Variants in TCEA1 observed in about 807,000 individuals in gnomAD.
The protein encoded by TCEA1 is transcription elongation factor A1, also known as transcription elongation factor A protein 1.
TCEA1 carries 21 observed loss-of-function variants against 43.8 expected under a neutral mutation model. The observed-to-expected ratio is 0.48, with a 90% CI of 0.34 to 0.69. TCEA1 has a LOEUF of 0.69. Among genes scored for constraint, TCEA1 ranks in the 30% least tolerant of loss-of-function variants. The probability of loss-of-function intolerance (pLI) is 0.01; values close to 1 mark genes in which losing one functional copy is unlikely to be tolerated. For synonymous variants in TCEA1, 104 were observed against 117.5 expected, an observed-to-expected ratio of 0.88 and a Z score of 0.75; for missense variants, 250 against 365.1, an observed-to-expected ratio of 0.68 and a Z score of 2.57.
intron 8 of TCEA1, among the ~76,000 whole-genome samples, chr8:53,974,530 G>C (rs1427094335): frequency 6.7e-6 from 1 of 148,286 alleles, no homozygotes; most frequent in Non-Finnish European, 1.5e-5. Flanking sequence ...GGGTAGTGGG[G>C]GTGGGGGTGG....
chr8:54,010,490 A>G lies in TCEA1; in HGVS notation c.66T>C (p.Ala22=). 2 of 1,596,116 alleles carry G rather than the reference A, an allele frequency of 1.3e-6. No homozygotes were observed. Among genetic ancestry groups the G allele is most frequent in the South Asian group, 1.1e-5 (1 of 87,196 alleles). Residue 22 remains alanine (A), a splice_region_variant and synonymous_variant, in exon 2 of 10, where the codon GCT becomes GCC. Transcript: ENST00000521604. ...MDKMVQKKNA[A]GALDLLKELK... ...GCTCCTTTAGCAAATCCAATGCTCC[A>G]GCCTATAAAATAAAATAATTTCATA...
intron 2 of TCEA1, among the ~76,000 whole-genome samples, chr8:54,007,884 T>C (rs1311298170): frequency 2.0e-5 from 3 of 152,226 alleles, no homozygotes; most frequent in African/African-American, 4.8e-5. Flanking sequence ...TTTATTTTTA[T>C]ATTTCATTCT....
In TCEA1 at chr8:53,970,378, A is replaced by T. The variant is rs1183970558; in HGVS notation, c.897+14T>A. 5 of 1,571,024 alleles carry T rather than the reference A, an allele frequency of 3.2e-6. No homozygotes were observed. The Admixed American group carries it at 8.4e-5, about 27-fold the overall frequency. Reference sequence around the variant, plus strand: ...TTAAGTGAGTATATAATATGAATCCAAGAGAGTCCATACCTTCCATCGATT... The same window carrying T: ...TTAAGTGAGTATATAATATGAATCCTAGAGAGTCCATACCTTCCATCGATT... On this transcript the variant is annotated intron_variant, in intron 9 of 9. Transcript: ENST00000521604.
chr8:53,973,662 A>G, intron 8 of TCEA1: 1 of 559,944 alleles, frequency 1.8e-6, no homozygotes, highest in South Asian at 1.6e-5. Context: ...CAAAAAGAAG[A>G]AAAAGAAGAA....
chr8:53,988,312 TAAC>T, intron 4 of TCEA1, 53 bp from the exon 5 acceptor site: 3 of 1,579,960 alleles, frequency 1.9e-6, no homozygotes, highest in Non-Finnish European at 2.6e-6. Flanking sequence ...CCTTTCAAAG[TAAC>T]AATACTACTA....
intron 2 of TCEA1, among the ~76,000 whole-genome samples, chr8:54,007,316 A>G (rs1370483211): frequency 2.0e-5 from 3 of 152,150 alleles, no homozygotes; most frequent in African/African-American, 7.2e-5. Context: ...GTAAGATAGT[A>G]ATGTTCATGC....
chr8:53,998,438 G>A (rs937609336), intron 3 of TCEA1, among the ~76,000 whole-genome samples: 2 of 152,086 alleles, frequency 1.3e-5, no homozygotes, highest in African/African-American at 4.8e-5. Context: ...TCTTCTATAG[G>A]AAATGACCTT....
intron 1 of TCEA1, among the ~76,000 whole-genome samples, chr8:54,014,236 C>T (rs1318630637): frequency 6.6e-6 from 1 of 152,170 alleles, no homozygotes; most frequent in Non-Finnish European, 1.5e-5. Flanking sequence ...AGTGGCAGCA[C>T]TCCTTTGTGA....
chr8:53,972,015 T>C lies in TCEA1; in HGVS notation c.826-1552A>G, dbSNP rs1585984302. ...CATTATTCAACATACTATCAACTCTTCTCTCAAAGAAAGATGAAGGACATT... is the reference window on the plus strand; with the variant it reads ...CATTATTCAACATACTATCAACTCTCCTCTCAAAGAAAGATGAAGGACATT... On this transcript the variant is annotated intron_variant, in intron 8 of 9. Coordinates refer to ENST00000521604, the MANE Select transcript of TCEA1 (RefSeq NM_006756.4). 4 of 210,418 alleles carry C rather than the reference T, an allele frequency of 1.9e-5. No homozygotes were observed. In the East Asian group the frequency reaches 4.7e-4, roughly 25 times the overall value. 13.0% of individuals were successfully genotyped at this position (210,418 alleles called of 1,614,324 possible).
intron 6 of TCEA1, among the ~76,000 whole-genome samples, chr8:53,984,772 A>T (rs1339755244): frequency 1.3e-5 from 2 of 151,652 alleles, no homozygotes; most frequent in African/African-American, 2.4e-5. Context: ...AGTCCCAGCT[A>T]CTCGGGAGGC....
chr8:53,973,144 T>C (rs530789932), intron 8 of TCEA1: 94 of 567,552 alleles, frequency 1.7e-4, no homozygotes, highest in South Asian at 1.3e-3. Context: ...GAAGTCAATG[T>C]AGAAGAAGAT....
chr8:53,988,438 T>A (rs1258925394), intron 4 of TCEA1, among the ~76,000 whole-genome samples, 179 bp from the exon 5 acceptor site: 1 of 152,230 alleles, frequency 6.6e-6, no homozygotes, highest in East Asian at 1.9e-4. Context: ...GTTAAAAATT[T>A]TACAATTTAG....
chr8:53,995,501 G>C (rs1039897545), intron 3 of TCEA1, among the ~76,000 whole-genome samples: 12 of 152,016 alleles, frequency 7.9e-5, no homozygotes, highest in African/African-American at 2.7e-4. Flanking sequence ...TTGAAGCTAA[G>C]TTCAGAAAAC....
intron 1 of TCEA1, among the ~76,000 whole-genome samples, chr8:54,016,978 C>CA (rs1159105172): frequency 0.048 from 3,190 of 66,668 alleles, 105 homozygotes; most frequent in Non-Finnish European, 0.084. Flanking sequence ...GACTCCGTCT[C>CA]AAAAAAAAAA....
At chr8:54,007,118 A>T in intron 2 of TCEA1, among the ~76,000 whole-genome samples, 1 of 152,144 alleles carries the variant, frequency 6.6e-6, no homozygotes, top group East Asian at 1.9e-4. Flanking sequence ...CTGGAATTAC[A>T]GGCATGAGCC....
intron 2 of TCEA1, among the ~76,000 whole-genome samples, chr8:54,006,592 TACTCTCTCTA>T (rs1482766060): frequency 6.6e-6 from 1 of 152,210 alleles, no homozygotes; most frequent in Non-Finnish European, 1.5e-5. Flanking sequence ...CCAACCTCCA[TACTCTCTCTA>T]ACTCTACACG....
At chr8:54,013,680 C>CAAAAAAAAAAAAAAA (rs5891511) in intron 1 of TCEA1, among the ~76,000 whole-genome samples, 15 of 65,292 alleles carry the variant, frequency 2.3e-4, no homozygotes, top group Non-Finnish European at 3.9e-4. Context: ...AACTCCATCT[C>CAAAAAAAAAAAAAAA]AAAAAAAAAA....
At chr8:53,979,778 A>C (rs1181213462) in intron 7 of TCEA1, among the ~76,000 whole-genome samples, 1 of 152,146 alleles carries the variant, frequency 6.6e-6, no homozygotes, top group Non-Finnish European at 1.5e-5. Context: ...TATAGGTAAC[A>C]TTATTATTGT....
At chr8:54,007,416 A>G (rs1257564207) in intron 2 of TCEA1, among the ~76,000 whole-genome samples, 1 of 152,162 alleles carries the variant, frequency 6.6e-6, no homozygotes, top group Non-Finnish European at 1.5e-5. Flanking sequence ...GCTGGGCTCA[A>G]GCAATCCTCT....
Sources: gnomAD v4.1 joint callset for allele counts (sites outside exome capture counted in the v4.1 genomes callset) on GRCh38, gnomAD v4.1.1 for gene constraint, MANE v1.5 for transcripts, NCBI Gene and HGNC (gene_info 2026-07-23, HGNC 2026-07-21) for gene names.